DSG3: variants seen among roughly 807,000 people sequenced by gnomAD.
The protein encoded by DSG3 is desmoglein-3.
In DSG3, 63 loss-of-function variants were observed where a neutral mutation model predicts 85.9. The observed-to-expected ratio is 0.73, with a 90% confidence interval of 0.60 to 0.90. The LOEUF (loss-of-function observed/expected upper bound fraction) is 0.90. Ranked by LOEUF, DSG3 falls within the 40% of genes least tolerant of loss-of-function variation. The pLI is 0.00. For synonymous variants in DSG3, 447 were observed against 441.9 expected (o/e 1.01, Z -0.14); for missense variants, 1,220 against 1,219.9 (o/e 1.00, Z 0.00).
In DSG3 at chr18:31,478,531, G is replaced by T. The variant is rs2072903162; in HGVS notation, c.*2271G>T. 1 of 152,044 alleles carries T rather than the reference G, an allele frequency of 6.6e-6. No individual in the cohort carries two copies. The highest frequency in any genetic ancestry group is 3.2e-3 in the Middle Eastern group (1 of 316). 9.4% of individuals were successfully genotyped at this position (152,044 alleles called of 1,614,324 possible). The stretch of plus-strand genomic sequence containing the variant: ...CAATCTTTAGGATGACTTAAAAATT[G>T]ATTTGCCATGTAAAATGTATCTGCA... On this transcript the variant is annotated 3_prime_UTR_variant, in exon 16 of 16. Coordinates refer to ENST00000257189, the MANE Select transcript of DSG3 (RefSeq NM_001944.3).
At position 31,474,341 on chromosome 18, in the gene DSG3, A is replaced by G. The variant is rs2072874061; in HGVS notation, c.2322A>G (p.Gly774=). Residue 774 remains glycine, a synonymous_variant, in exon 15 of 16, where the codon GGA becomes GGG. Coordinates refer to ENST00000257189, the MANE Select transcript of DSG3 (RefSeq NM_001944.3). ...GTMRTRHSTG[G]TNKDYADGAI... is the part of the protein sequence containing the mutation. ...TGAGAACAAGGCATTCCACTGGAGG[A>G]ACCAATAAGGACTACGCTGATGGGG... The G allele has an allele frequency of 1.2e-6, 2 of 1,614,224 alleles. No individual in the cohort carries two copies. Among genetic ancestry groups the G allele is most frequent in the Non-Finnish European group, 1.7e-6 (2 of 1,180,034 alleles).
chr18:31,471,222 T>C (rs2072853235), intron 12 of DSG3, among the ~76,000 whole-genome samples: 1 of 152,178 alleles, frequency 6.6e-6, no homozygotes, highest in South Asian at 2.1e-4. Flanking sequence ...TTAATTGTTA[T>C]GGTCTGAATG....
At chr18:31,448,143 TA>T (rs2072689936) in intron 1 of DSG3, among the ~76,000 whole-genome samples, 2 of 152,258 alleles carry the variant, frequency 1.3e-5, no homozygotes, top group African/African-American at 4.8e-5. Context: ...AAATGAGTTT[TA>T]AAAACCATTT....
In DSG3 at chr18:31,458,299, AG is replaced by A; in HGVS notation, c.217-145del. ...CGGTTTGATTTTATTTCATATTCCT[AG>A]TATCTATCAAGGCAAAAAGTAAATG... is the stretch of plus-strand genomic sequence containing the variant. On this transcript the variant is annotated intron_variant, in intron 3 of 15. Transcript: ENST00000257189. 3 of 795,420 alleles carry A rather than the reference AG, an allele frequency of 3.8e-6. No homozygotes were observed. In the South Asian group the frequency reaches 6.3e-5, roughly 17 times the overall value. The allele number at this position is 795,420 out of a possible 1,614,324, so 49.3% of individuals were successfully genotyped here.
At chr18:31,467,509 A>G (rs2072829634) in intron 11 of DSG3, among the ~76,000 whole-genome samples, 1 of 152,338 alleles carries the variant, frequency 6.6e-6, no homozygotes, top group Non-Finnish European at 1.5e-5. Flanking sequence ...CTAGTCAGGA[A>G]CATTGAGAGC....
rs1052182714 is a variant in DSG3 at position 31,469,035 on chromosome 18, A to T, written c.1637-54A>T. On this transcript the variant is annotated intron_variant, in intron 11 of 15. Coordinates refer to ENST00000257189, the MANE Select transcript of DSG3 (RefSeq NM_001944.3). The stretch of plus-strand genomic sequence containing the variant: ...ATATTCTGTTATAGCAACACAAAAT[A>T]GACTGAAAAGACACTTCGTCCTACT... 11 of 1,597,082 alleles carry T rather than the reference A, an allele frequency of 6.9e-6. No individual in the cohort carries two copies. The African/African-American group carries it at 1.3e-4, about 19-fold the overall frequency.
At position 31,478,609 on chromosome 18, in the gene DSG3, A is replaced by T. The variant is rs1181897805; in HGVS notation, c.*2349A>T. ...TAAAATTTTAAAACTGTACTACTTGATGTATTATACATTTTGAACCATATG... is the reference window on the plus strand; with the variant it reads ...TAAAATTTTAAAACTGTACTACTTGTTGTATTATACATTTTGAACCATATG... On this transcript the variant is annotated 3_prime_UTR_variant, in exon 16 of 16. Transcript: ENST00000257189. 1 of 152,246 alleles carries T rather than the reference A, an allele frequency of 6.6e-6. No individual in the cohort carries two copies. The highest frequency in any genetic ancestry group is 2.4e-5 in the African/African-American group (1 of 41,466). The allele number at this position is 152,246 out of a possible 1,614,324, so 9.4% of individuals were successfully genotyped here.
rs1260490919 is a variant in DSG3, at chr18:31,472,721, G to T, written c.2038-4G>T. The stretch of plus-strand genomic sequence containing the variant: ...AATGAATTTATTTTTCACATGGTTT[G>T]CAGGAAATCACAAATATTTGTGTGC... On this transcript the variant is annotated splice_polypyrimidine_tract_variant and splice_region_variant and intron_variant, in intron 13 of 15. Coordinates refer to ENST00000257189, the MANE Select transcript of DSG3 (RefSeq NM_001944.3). The T allele has an allele frequency of 2.5e-6, 4 of 1,613,736 alleles. No individual in the cohort carries two copies. The highest frequency in any genetic ancestry group is 1.7e-6 in the Non-Finnish European group (2 of 1,179,780).
chr18:31,472,601 C>T (rs1277626769), intron 13 of DSG3, 124 bp from the exon 14 acceptor site: 17 of 1,274,402 alleles, frequency 1.3e-5, no homozygotes, highest in South Asian at 1.2e-4. Context: ...AAATGGTTAT[C>T]GCTGAAAGAA....
chr18:31,448,548 A>G (rs2072692437), intron 1 of DSG3, among the ~76,000 whole-genome samples: 1 of 152,070 alleles, frequency 6.6e-6, no homozygotes, highest in Non-Finnish European at 1.5e-5. Context: ...ACTTCTGTTG[A>G]TTGAGAAAGT....
rs771266691 is a variant in DSG3, at chr18:31,475,826, C to T, written c.2566C>T (p.Leu856Phe). ...LDSLGPKFKK[L>F]AEISLGVDGE... ...CTCACTTGGACCCAAATTTAAAAAACTTGCAGAGATAAGCCTTGGTGTTGA... is the reference window on the plus strand; with the variant it reads ...CTCACTTGGACCCAAATTTAAAAAATTTGCAGAGATAAGCCTTGGTGTTGA... The change falls in exon 16 of 16, where the codon CTT becomes TTT. Residue 856 changes from leucine to phenylalanine, a missense_variant. Leu to Phe is a conservative substitution (Grantham distance 22). Transcript: ENST00000257189. 6.8e-6 allele frequency: 11 copies of T among 1,614,176 alleles called. No individual in the cohort carries two copies. The Admixed American group carries it at 1.3e-4, about 20-fold the overall frequency.
chr18:31,455,037 A>AT (rs1343472870), intron 1 of DSG3, among the ~76,000 whole-genome samples: 1 of 152,000 alleles, frequency 6.6e-6, no homozygotes, highest in African/African-American at 2.4e-5. Flanking sequence ...AAAAAAAAAA[A>AT]AGAATTTAGT....
chr18:31,476,007 T>C lies in DSG3; in HGVS notation c.2747T>C (p.Val916Ala), dbSNP rs147783261. The change falls in exon 16 of 16, where the codon GTC (valine) becomes GCC (alanine). Residue 916 changes from valine (V) to alanine (A), a missense_variant. Val to Ala is a moderately conservative substitution (Grantham distance 64). Coordinates refer to ENST00000257189, the MANE Select transcript of DSG3 (RefSeq NM_001944.3). ...TCTGCTTTGTCCACCTCTGGGTCTG[T>C]CCAGCCAGCTGTTTCCATCCCTGAC... ...GASALSTSGS[V>A]QPAVSIPDPL... 9.9e-6 allele frequency: 16 copies of C among 1,614,116 alleles called. No individual in the cohort carries two copies. The highest frequency in any genetic ancestry group is 3.3e-5 in the Admixed American group (2 of 60,002).
chr18:31,462,279 C>T (rs1225695243), intron 8 of DSG3, among the ~76,000 whole-genome samples: 1 of 152,158 alleles, frequency 6.6e-6, no homozygotes, highest in East Asian at 1.9e-4. Flanking sequence ...ACCATATTGA[C>T]CAGGCTGGTC....
At chr18:31,457,628 C>G (rs1433497428) in intron 3 of DSG3, among the ~76,000 whole-genome samples, 2 of 106,440 alleles carry the variant, frequency 1.9e-5, no homozygotes, top group African/African-American at 7.7e-5. Context: ...TTCTTTCTTT[C>G]TTTCTTTCTT....
chr18:31,466,479 G>T (rs1456515164), intron 10 of DSG3, 51 bp from the exon 11 acceptor site: 25 of 1,516,392 alleles, frequency 1.6e-5, no homozygotes, highest in Middle Eastern at 1.7e-4. Context: ...CTCCTTTTTT[G>T]TACAACTTTG....
chr18:31,468,125 T>A (rs2072833207), intron 11 of DSG3, among the ~76,000 whole-genome samples: 1 of 152,166 alleles, frequency 6.6e-6, no homozygotes, highest in African/African-American at 2.4e-5. Context: ...TTACAAGAAC[T>A]GTCGTGGGAT....
intron 6 of DSG3, 136 bp from the exon 7 acceptor site, chr18:31,460,697 C>A: frequency 1.3e-6 from 1 of 767,256 alleles, no homozygotes; most frequent in Non-Finnish European, 2.0e-6. Flanking sequence ...AGACCTCCAC[C>A]CAACCATCCA....
In DSG3 at chr18:31,476,187, T is replaced by C. The variant is rs2072886881; in HGVS notation, c.2927T>C (p.Leu976Pro). 3 of 1,614,220 alleles carry C rather than the reference T, an allele frequency of 1.9e-6. No homozygotes were observed. Among genetic ancestry groups the C allele is most frequent in the African/African-American group, 1.3e-5 (1 of 75,060 alleles). ...ICPISSVPGN[L>P]AGPTQLRGSH... ...CCCATTTCCAGTGTTCCTGGCAACC[T>C]AGCTGGCCCAACGCAGCTACGAGGG... The change falls in exon 16 of 16, where the codon CTA (leucine) becomes CCA (proline). Residue 976 changes from leucine (L) to proline (P), a missense_variant. Physicochemically the swap from Leu to Pro is moderately conservative, Grantham distance 98 (BLOSUM62 -3). Coordinates refer to ENST00000257189, the MANE Select transcript of DSG3 (RefSeq NM_001944.3).
Sources: gnomAD v4.1 joint callset for allele counts (sites outside exome capture counted in the v4.1 genomes callset) on GRCh38, gnomAD v4.1.1 for gene constraint, MANE v1.5 for transcripts, NCBI Gene and HGNC (gene_info 2026-07-23, HGNC 2026-07-21) for gene names.